Variants in DISP1 observed in about 807,000 individuals in gnomAD.
DISP1 encodes dispatched RND transporter family member 1.
In DISP1, 30 loss-of-function variants were observed where a neutral mutation model predicts 37.3. That is an observed-to-expected ratio of 0.80 (90% CI 0.60 to 1.09). The LOEUF (loss-of-function observed/expected upper bound fraction) is 1.09. DISP1 is among the 50% of genes least tolerant of loss of function. DISP1 has a pLI of 0.00. For synonymous variants in DISP1, 634 were observed against 690.2 expected, an observed-to-expected ratio of 0.92 and a Z score of 1.28; for missense variants, 1,598 against 1,879.5, an observed-to-expected ratio of 0.85 and a Z score of 2.77.
chr1:222,952,170 A>G (rs1360699499), intron 3 of DISP1, among the ~76,000 whole-genome samples: 1 of 152,228 alleles, frequency 6.6e-6, no homozygotes, highest in East Asian at 1.9e-4. Context: ...TGCATTCTTT[A>G]GACATTTGCT....
At chr1:222,985,097 C>T (rs1431940122) in intron 4 of DISP1, among the ~76,000 whole-genome samples, 1 of 151,960 alleles carries the variant, frequency 6.6e-6, no homozygotes, top group East Asian at 1.9e-4. Context: ...GAAGTAAATA[C>T]GGCATATTAA....
chr1:222,936,997 T>A (rs1673960175), intron 2 of DISP1, among the ~76,000 whole-genome samples: 1 of 107,690 alleles, frequency 9.3e-6, no homozygotes, highest in African/African-American at 3.6e-5. Flanking sequence ...TATAATATTA[T>A]ATAATATAGA....
At chr1:222,960,089 T>G (rs763526573) in intron 3 of DISP1, among the ~76,000 whole-genome samples, 2 of 152,154 alleles carry the variant, frequency 1.3e-5, no homozygotes, top group Non-Finnish European at 2.9e-5. Context: ...TTAACAAGGA[T>G]ATTCAGGACT....
At chr1:222,971,905 G>A (rs1572660991) in intron 3 of DISP1, among the ~76,000 whole-genome samples, 1 of 152,194 alleles carries the variant, frequency 6.6e-6, no homozygotes, top group East Asian at 1.9e-4. Context: ...AGTGAGAAAT[G>A]TGTGTGTATC....
intron 1 of DISP1, among the ~76,000 whole-genome samples, chr1:222,859,227 A>T (rs1668736304): frequency 6.6e-6 from 1 of 152,240 alleles, no homozygotes; most frequent in African/African-American, 2.4e-5. Flanking sequence ...AAACTAACAC[A>T]GGAATAGAAA....
At chr1:222,886,009 T>G (rs1190564421) in intron 1 of DISP1, among the ~76,000 whole-genome samples, 1 of 151,996 alleles carries the variant, frequency 6.6e-6, no homozygotes, top group Non-Finnish European at 1.5e-5. Flanking sequence ...GTTTGAAAAC[T>G]ACTTCATAGG....
chr1:222,840,971 T>C (rs1445995218), intron 1 of DISP1, among the ~76,000 whole-genome samples: 2 of 152,172 alleles, frequency 1.3e-5, no homozygotes. Flanking sequence ...AAATTATTAT[T>C]ATAATAAATG....
At chr1:222,853,500 A>C (rs1483662922) in intron 1 of DISP1, among the ~76,000 whole-genome samples, 1 of 149,710 alleles carries the variant, frequency 6.7e-6, no homozygotes, top group African/African-American at 2.4e-5. Context: ...CCAGGTGTCC[A>C]ACAACAGCTG....
chr1:222,939,485 G>T (rs565647165), intron 2 of DISP1, among the ~76,000 whole-genome samples: 28 of 150,978 alleles, frequency 1.9e-4, no homozygotes, highest in African/African-American at 6.8e-4. Flanking sequence ...AGGTTGATGG[G>T]ATTCTGTCTG....
Position 222,832,336 on chromosome 1 carries a change from C to G in DISP1, c.-159+17258C>G, listed in dbSNP as rs537725019. Among the ~76,000 whole-genome samples, 8 of 152,212 alleles carry G rather than the reference C, an allele frequency of 5.3e-5. No individual in the cohort carries two copies. The East Asian group carries it at 1.5e-3, about 29-fold the overall frequency. ...AGTTTCTTAACCCTTTCAGATAGGT[C>G]TAAGTCTGTCTGTGATGATAAATTT... On this transcript the variant is annotated intron_variant, in intron 1 of 8. Transcript: ENST00000675850.
At chr1:222,849,859 T>G (rs1299100420) in intron 1 of DISP1, among the ~76,000 whole-genome samples, 1 of 152,068 alleles carries the variant, frequency 6.6e-6, no homozygotes, top group African/African-American at 2.4e-5. Flanking sequence ...GAAATAAAAT[T>G]TATTCTAGTG....
intron 3 of DISP1, among the ~76,000 whole-genome samples, chr1:222,960,132 A>G (rs1675944383): frequency 6.6e-6 from 1 of 152,228 alleles, no homozygotes; most frequent in Non-Finnish European, 1.5e-5. Context: ...GGACCTATAG[A>G]CATCTACAGA....
At chr1:222,873,079 C>T (rs80184428) in intron 1 of DISP1, among the ~76,000 whole-genome samples, 17,067 of 151,750 alleles carry the variant, frequency 0.11, 1,255 homozygotes, top group South Asian at 0.16. Flanking sequence ...TGTAGTTGAG[C>T]AGTTTTGAGT....
rs189956154 is a variant in DISP1 at position 222,975,661 on chromosome 1, C to T, written c.510-7419C>T. 9.8e-5 allele frequency among the ~76,000 whole-genome samples: 15 copies of T among 152,298 alleles called. No homozygotes were observed. In the East Asian group the frequency reaches 2.5e-3, roughly 25 times the overall value. On this transcript the variant is annotated intron_variant, in intron 3 of 8. Coordinates refer to ENST00000675850, the MANE Select transcript of DISP1 (RefSeq NM_001377229.1). ...ACTCTCCCTCCTTCTGAGAACTTTACAGTCTCATTAGTTGTCCTCTTGACT... is the reference window on the plus strand; with the variant it reads ...ACTCTCCCTCCTTCTGAGAACTTTATAGTCTCATTAGTTGTCCTCTTGACT...
At chr1:222,819,870 G>A (rs1662365983) in intron 1 of DISP1, among the ~76,000 whole-genome samples, 1 of 147,814 alleles carries the variant, frequency 6.8e-6, no homozygotes. Flanking sequence ...TTTAATTTAA[G>A]GTGTTTAAAA....
At chr1:222,855,618 A>G (rs1247744089) in intron 1 of DISP1, among the ~76,000 whole-genome samples, 2 of 152,150 alleles carry the variant, frequency 1.3e-5, no homozygotes, top group African/African-American at 4.8e-5. Flanking sequence ...TCTGATTTTC[A>G]CAGTTAATCT....
chr1:222,880,030 T>C (rs1257689931), intron 1 of DISP1, among the ~76,000 whole-genome samples: 1 of 152,048 alleles, frequency 6.6e-6, no homozygotes, highest in Non-Finnish European at 1.5e-5. Flanking sequence ...GGTATTACCA[T>C]TCATGATAAT....
Position 223,005,726 on chromosome 1 carries a change from G to T in DISP1, c.4329G>T (p.Leu1443Phe), listed in dbSNP as rs759695907. ...NKAGGKVELS[L>F]SQTDASVNSE... Reference sequence around the variant, plus strand: ...CAGGAGGGAAAGTGGAGCTGAGCTTGTCACAGACGGATGCAAGTGTGAACT... The same window carrying T: ...CAGGAGGGAAAGTGGAGCTGAGCTTTTCACAGACGGATGCAAGTGTGAACT... Residue 1443 changes from leucine (L) to phenylalanine (F), a missense_variant, in exon 9 of 9, where the codon TTG (leucine) becomes TTT (phenylalanine). Coordinates refer to ENST00000675850, the MANE Select transcript of DISP1 (RefSeq NM_001377229.1). 53 of 1,614,026 alleles carry T rather than the reference G, an allele frequency of 3.3e-5. No homozygotes were observed. The highest frequency in any genetic ancestry group is 4.4e-5 in the Non-Finnish European group (52 of 1,180,046).
rs757209029 is a variant in DISP1, at chr1:223,002,456, A to T, written c.1059A>T (p.Thr353=). The change falls in exon 9 of 9, where the codon ACA becomes ACT. Residue 353 remains threonine, a synonymous_variant. Transcript: ENST00000675850. ...TTAASCCPSW[T]LGNYIAILNN... ...CTGCCTCCTGCTGCCCCAGCTGGAC[A>T]CTGGGAAACTACATCGCCATTCTGA... is the stretch of plus-strand genomic sequence containing the variant. 6.2e-7 allele frequency: 1 copy of T among 1,614,156 alleles called. No homozygotes were observed. The highest frequency in any genetic ancestry group is 1.1e-5 in the South Asian group (1 of 91,076).
Sources: allele counts gnomAD v4.1 joint callset (sites outside exome capture counted in the v4.1 genomes callset), GRCh38; gene constraint gnomAD v4.1.1; transcripts MANE v1.5; gene names NCBI Gene and HGNC (gene_info 2026-07-23, HGNC 2026-07-21).